HDAC4: variants seen among roughly 807,000 people sequenced by gnomAD.
HDAC4 encodes the protein histone deacetylase A.
HDAC4 carries 16 observed loss-of-function variants against 135.1 expected under a neutral mutation model. The observed-to-expected ratio is 0.12, with a 90% CI of 0.08 to 0.18. The LOEUF (loss-of-function observed/expected upper bound fraction) is 0.18, where lower values mean the gene tolerates loss of function less well. HDAC4 is among the 10% of genes least tolerant of loss of function. HDAC4 has a pLI of 1.00. For missense variants in HDAC4, 1,143 were observed against 1,511.8 expected (o/e 0.76, Z 4.05); for synonymous variants, 685 against 653.4 (o/e 1.05, Z -0.74).
At chr2:239,155,266 G>A (rs1381141341) in intron 7 of HDAC4, among the ~76,000 whole-genome samples, 1 of 151,150 alleles carries the variant, frequency 6.6e-6, no homozygotes, top group African/African-American at 2.4e-5. Flanking sequence ...GCCTGATATG[G>A]TCCACTCCAC....
intron 3 of HDAC4, among the ~76,000 whole-genome samples, chr2:239,218,539 A>T (rs1371359773): frequency 1.3e-5 from 2 of 151,076 alleles, no homozygotes; most frequent in Non-Finnish European, 3.0e-5. Context: ...AGGCAATACC[A>T]TTCAGGACAT....
chr2:239,325,637 A>C lies in HDAC4; in HGVS notation c.22+27041T>G, dbSNP rs541358479. 5.6e-4 allele frequency among the ~76,000 whole-genome samples: 86 copies of C among 152,374 alleles called. 1 individual carries two copies. Among genetic ancestry groups the C allele is most frequent in the Non-Finnish European group, 1.1e-3 (73 of 68,042 alleles). ...GGTGGGCAGGAACATAAAATGGTGC[A>C]GTGTTGTGGAAAACACTTTGGTGGT... On this transcript the variant is annotated intron_variant, in intron 2 of 26. Transcript: ENST00000543185.
chr2:239,326,156 T>C (rs1333945734), intron 2 of HDAC4, among the ~76,000 whole-genome samples: 1 of 151,580 alleles, frequency 6.6e-6, no homozygotes, highest in African/African-American at 2.4e-5. Flanking sequence ...TAAGATGTGA[T>C]GTATGCACAC....
rs1297076248 is a variant in HDAC4 at position 239,151,238 on chromosome 2, T to A, written c.733+5414A>T. The stretch of plus-strand genomic sequence containing the variant: ...GAAAGCCATGAGCCTATTGATGAGC[T>A]GTGGGACTTGACTAATGAAAGAACC... On this transcript the variant is annotated intron_variant, in intron 7 of 26. Coordinates refer to ENST00000543185, the MANE Select transcript of HDAC4 (RefSeq NM_001378414.1). Among the ~76,000 whole-genome samples, 7 of 152,268 alleles carry A rather than the reference T, an allele frequency of 4.6e-5. No homozygotes were observed. In the East Asian group the frequency reaches 1.3e-3, roughly 29 times the overall value.
intron 2 of HDAC4, among the ~76,000 whole-genome samples, chr2:239,277,799 C>G (rs1015608625): frequency 9.8e-5 from 15 of 152,332 alleles, no homozygotes; most frequent in Middle Eastern, 6.8e-3. Context: ...CCACCCGGGC[C>G]GGGACCCAGG....
intron 2 of HDAC4, among the ~76,000 whole-genome samples, chr2:239,243,744 C>T (rs1257152537): frequency 6.6e-6 from 1 of 152,190 alleles, no homozygotes; most frequent in Non-Finnish European, 1.5e-5. Flanking sequence ...GAGACTTATC[C>T]TATACTCTGC....
chr2:239,199,355 C>A (rs2045610121), intron 3 of HDAC4, among the ~76,000 whole-genome samples: 1 of 152,156 alleles, frequency 6.6e-6, no homozygotes, highest in African/African-American at 2.4e-5. Flanking sequence ...ATTCTCTCAT[C>A]AGGGTTAAAA....
chr2:239,342,662 T>G (rs1019248384), intron 2 of HDAC4, among the ~76,000 whole-genome samples: 1 of 152,176 alleles, frequency 6.6e-6, no homozygotes, highest in Non-Finnish European at 1.5e-5. Context: ...GGAACCACAC[T>G]GGGTCCTGAG....
rs1383801055 is a variant in HDAC4 at position 239,400,156 on chromosome 2, C to A, written c.-220+822G>T. ...CGGGACCGGGCCCCGTCTCGGCCTG[C>A]TGGCGCCCTGCGGGCTGAGCCGAGC... is the stretch of plus-strand genomic sequence containing the variant. On this transcript the variant is annotated intron_variant, in intron 1 of 26. Coordinates refer to ENST00000543185, the MANE Select transcript of HDAC4 (RefSeq NM_001378414.1). The surrounding 1 kb of genome is among the most constrained non-coding windows in gnomAD (Gnocchi z 4.7). Among the ~76,000 whole-genome samples the A allele has an allele frequency of 6.6e-6, 1 of 151,848 alleles. No individual in the cohort carries two copies. Among genetic ancestry groups the A allele is most frequent in the Non-Finnish European group, 1.5e-5 (1 of 67,884 alleles).
intron 3 of HDAC4, among the ~76,000 whole-genome samples, chr2:239,193,948 G>A (rs1171092166): frequency 6.6e-6 from 1 of 152,226 alleles, no homozygotes; most frequent in Admixed American, 6.5e-5. Flanking sequence ...CAGGGTCAGA[G>A]GCAAAATTCA....
chr2:239,283,564 C>T (rs1002539784), intron 2 of HDAC4, among the ~76,000 whole-genome samples: 28 of 152,208 alleles, frequency 1.8e-4, no homozygotes, highest in African/African-American at 2.4e-5. Context: ...AAAAGCCCTG[C>T]GAGCAGAGAA....
chr2:239,088,613 C>T (rs1484929131), intron 18 of HDAC4, among the ~76,000 whole-genome samples: 1 of 152,204 alleles, frequency 6.6e-6, no homozygotes. Flanking sequence ...GGGCAGGGAA[C>T]AGCACCAGGG....
chr2:239,377,834 T>C (rs1575777434), intron 1 of HDAC4, among the ~76,000 whole-genome samples: 1 of 152,130 alleles, frequency 6.6e-6, no homozygotes, highest in Admixed American at 6.5e-5. Flanking sequence ...GGCCCAAGAC[T>C]GATCACCGCG....
intron 22 of HDAC4, 119 bp downstream of exon 22, chr2:239,080,976 C>T: frequency 1.4e-6 from 1 of 739,586 alleles, no homozygotes; most frequent in Non-Finnish European, 2.3e-6. Flanking sequence ...CCGGACCCCA[C>T]AGCCCCGTTC....
At chr2:239,282,284 C>A (rs1232980428) in intron 2 of HDAC4, among the ~76,000 whole-genome samples, 1 of 142,948 alleles carries the variant, frequency 7.0e-6, no homozygotes. Flanking sequence ...CACCACTCTA[C>A]AATGTACACA....
intron 2 of HDAC4, among the ~76,000 whole-genome samples, chr2:239,274,692 G>A: frequency 6.6e-6 from 1 of 152,216 alleles, no homozygotes; most frequent in Non-Finnish European, 1.5e-5. Flanking sequence ...CCACGGCGGG[G>A]CTCTCTCAGC....
intron 3 of HDAC4, among the ~76,000 whole-genome samples, chr2:239,198,714 T>C (rs1235103352): frequency 1.3e-5 from 2 of 152,212 alleles, no homozygotes; most frequent in African/African-American, 4.8e-5. Flanking sequence ...CAGGCTCTCA[T>C]TCGTGTCGCC....
At chr2:239,280,058 A>G (rs2050615686) in intron 2 of HDAC4, among the ~76,000 whole-genome samples, 1 of 152,012 alleles carries the variant, frequency 6.6e-6, no homozygotes. Context: ...GTTTCCTAGC[A>G]CCCTGGGATT....
At chr2:239,335,973 C>G (rs1691908263) in intron 2 of HDAC4, among the ~76,000 whole-genome samples, 1 of 152,076 alleles carries the variant, frequency 6.6e-6, no homozygotes, top group Admixed American at 6.5e-5. Flanking sequence ...AACTGGAAAC[C>G]ACCAAAATGT....
Sources: gnomAD v4.1 joint callset for allele counts (sites outside exome capture counted in the v4.1 genomes callset) on GRCh38, gnomAD v4.1.1 for gene constraint, Gnocchi (gnomAD v3.1) non-coding constraint, MANE v1.5 for transcripts, NCBI Gene and HGNC (gene_info 2026-07-23, HGNC 2026-07-21) for gene names.